The following KLHL1 variants were observed in gnomAD, a reference collection of about 807,000 sequenced individuals.
The protein encoded by KLHL1 is kelch-like protein 1.
A neutral mutation model predicts 77.7 loss-of-function variants in KLHL1; 47 were observed. The ratio of observed to expected loss-of-function variants is 0.60; its 90% CI spans 0.48 to 0.77. The LOEUF is 0.77. Among genes scored for constraint, KLHL1 ranks in the 30% least tolerant of loss-of-function variants. The pLI, the probability that KLHL1 is intolerant of heterozygous loss-of-function variation, is 0.00. For missense variants in KLHL1, 925 were observed against 910.8 expected (o/e 1.02, Z -0.20); for synonymous variants, 360 against 325.2 (o/e 1.11, Z -1.15).
At chr13:69,881,363 T>C (rs947811328) in intron 5 of KLHL1, among the ~76,000 whole-genome samples, 1 of 152,196 alleles carries the variant, frequency 6.6e-6, no homozygotes, top group Admixed American at 6.5e-5. Context: ...CTCTGTTTTA[T>C]ATTTTTAGTA....
chr13:69,978,362 T>G (rs1884608427), intron 1 of KLHL1, among the ~76,000 whole-genome samples: 1 of 151,522 alleles, frequency 6.6e-6, no homozygotes, highest in South Asian at 2.1e-4. Flanking sequence ...GGTTTTAAAA[T>G]TCAAGATATG....
chr13:69,860,778 A>C (rs1214456888), intron 5 of KLHL1, among the ~76,000 whole-genome samples: 1 of 151,888 alleles, frequency 6.6e-6, no homozygotes, highest in Non-Finnish European at 1.5e-5. Context: ...AATAAAAACA[A>C]TGTGTTTTTA....
intron 1 of KLHL1, among the ~76,000 whole-genome samples, chr13:70,016,158 G>T (rs1885651541): frequency 1.3e-5 from 2 of 152,212 alleles, no homozygotes; most frequent in Non-Finnish European, 2.9e-5. Context: ...CTCAAAAAGT[G>T]TTTTATGCTT....
chr13:69,970,246 C>T (rs1050090652), intron 2 of KLHL1, among the ~76,000 whole-genome samples: 6 of 152,072 alleles, frequency 3.9e-5, no homozygotes, highest in Non-Finnish European at 8.8e-5. Flanking sequence ...ATCACATATC[C>T]CAGGACATTT....
intron 7 of KLHL1, among the ~76,000 whole-genome samples, chr13:69,761,676 C>A (rs59938855): frequency 1.3e-5 from 2 of 152,050 alleles, no homozygotes; most frequent in African/African-American, 2.4e-5. Flanking sequence ...CCAATGATAA[C>A]GCATTTAATA....
chr13:69,808,326 G>A (rs1410878377), intron 6 of KLHL1, among the ~76,000 whole-genome samples: 1 of 152,012 alleles, frequency 6.6e-6, no homozygotes, highest in Non-Finnish European at 1.5e-5. Context: ...ACTACCTACT[G>A]TCTCTTACTC....
intron 4 of KLHL1, among the ~76,000 whole-genome samples, chr13:69,915,373 G>T (rs974695515): frequency 2.6e-5 from 4 of 152,060 alleles, no homozygotes; most frequent in African/African-American, 4.8e-5. Flanking sequence ...CAAAACAGCA[G>T]GGTACTGGTA....
At chr13:69,760,868 T>C (rs1874988723) in intron 7 of KLHL1, among the ~76,000 whole-genome samples, 1 of 152,316 alleles carries the variant, frequency 6.6e-6, no homozygotes, top group African/African-American at 2.4e-5. Flanking sequence ...CACTGTAATT[T>C]TAAATTATCT....
intron 5 of KLHL1, among the ~76,000 whole-genome samples, chr13:69,840,238 T>G (rs1879192925): frequency 6.6e-6 from 1 of 152,040 alleles, no homozygotes; most frequent in Admixed American, 6.6e-5. Context: ...TATAATTTTT[T>G]TTTGAGACAA....
At chr13:69,735,485 C>T (rs1593784095) in intron 8 of KLHL1, among the ~76,000 whole-genome samples, 1 of 149,816 alleles carries the variant, frequency 6.7e-6, no homozygotes, top group Admixed American at 6.6e-5. Context: ...GTAAATATAA[C>T]ATATGCATTT....
intron 6 of KLHL1, among the ~76,000 whole-genome samples, chr13:69,836,332 T>C (rs1187799539): frequency 6.6e-6 from 1 of 152,088 alleles, no homozygotes; most frequent in Non-Finnish European, 1.5e-5. Context: ...GGGCGTTTGC[T>C]GATTTCGAAG....
chr13:69,806,592 TG>T (rs1222388199), intron 6 of KLHL1, among the ~76,000 whole-genome samples: 2 of 152,096 alleles, frequency 1.3e-5, no homozygotes, highest in East Asian at 2.0e-4. Context: ...ACCCTGGACG[TG>T]GGGAAACAAT....
At chr13:69,705,217 AT>A (rs142238090) in intron 10 of KLHL1, among the ~76,000 whole-genome samples, 17,602 of 151,382 alleles carry the variant, frequency 0.12, 1,697 homozygotes, top group African/African-American at 0.27. Flanking sequence ...CACGTGCATT[AT>A]TTTTTTCAAA....
At chr13:69,914,262 C>A (rs1296389711) in intron 4 of KLHL1, among the ~76,000 whole-genome samples, 1 of 152,132 alleles carries the variant, frequency 6.6e-6, no homozygotes, top group Non-Finnish European at 1.5e-5. Flanking sequence ...AGACGCAGAG[C>A]ACACATCTTC....
intron 1 of KLHL1, among the ~76,000 whole-genome samples, chr13:69,982,159 A>G (rs1199470991): frequency 2.0e-5 from 3 of 151,918 alleles, no homozygotes; most frequent in Non-Finnish European, 4.4e-5. Context: ...ATTAAAAATA[A>G]AAAGTGGCTC....
intron 6 of KLHL1, among the ~76,000 whole-genome samples, chr13:69,823,986 A>G (rs980004495): frequency 7.9e-5 from 12 of 152,078 alleles, no homozygotes; most frequent in Non-Finnish European, 1.0e-4. Flanking sequence ...GTGTGTGTGT[A>G]TATATATGTA....
At chr13:69,783,341 T>G (rs1253533670) in intron 7 of KLHL1, among the ~76,000 whole-genome samples, 1 of 152,054 alleles carries the variant, frequency 6.6e-6, no homozygotes, top group Non-Finnish European at 1.5e-5. Flanking sequence ...CTTTGATGAG[T>G]TGAGAGAAGA....
intron 10 of KLHL1, among the ~76,000 whole-genome samples, chr13:69,702,071 A>G (rs1402871727): frequency 6.6e-6 from 1 of 151,746 alleles, no homozygotes; most frequent in Non-Finnish European, 1.5e-5. Flanking sequence ...TGGAGTTTGC[A>G]TGGACACATT....
chr13:69,833,880 T>C lies in KLHL1; in HGVS notation c.1414+5096A>G, dbSNP rs565113114. ...ATACACACACACACACACACACACA[T>C]ATGCCATGGAATACTACTCAACCAC... is the stretch of plus-strand genomic sequence containing the variant. On this transcript the variant is annotated intron_variant, in intron 6 of 10. Coordinates refer to ENST00000377844, the MANE Select transcript of KLHL1 (RefSeq NM_020866.3). 1.1e-4 allele frequency among the ~76,000 whole-genome samples: 17 copies of C among 149,784 alleles called. No individual in the cohort carries two copies. In the East Asian group the frequency reaches 2.1e-3, roughly 19 times the overall value.
Sources: gnomAD v4.1 joint callset for allele counts (sites outside exome capture counted in the v4.1 genomes callset) on GRCh38, gnomAD v4.1.1 for gene constraint, MANE v1.5 for transcripts, NCBI Gene and HGNC (gene_info 2026-07-23, HGNC 2026-07-21) for gene names.